Variants in FRMD5 observed in about 807,000 individuals in gnomAD.
FRMD5 encodes FERM domain-containing protein 5.
A neutral mutation model predicts 69.0 loss-of-function variants in FRMD5; 20 were observed. The observed-to-expected ratio is 0.29, with a 90% confidence interval of 0.20 to 0.42. The LOEUF is 0.42. Ranked by LOEUF, FRMD5 falls within the 10% of genes least tolerant of loss-of-function variation. FRMD5 has a pLI of 1.00. For synonymous variants in FRMD5, 271 were observed against 260.1 expected (o/e 1.04, Z -0.40); for missense variants, 595 against 708.6 (o/e 0.84, Z 1.82).
At chr15:43,965,028 A>T (rs1328428859) in intron 1 of FRMD5, among the ~76,000 whole-genome samples, 1 of 152,238 alleles carries the variant, frequency 6.6e-6, no homozygotes, top group Non-Finnish European at 1.5e-5. Context: ...TCTCCAAAAA[A>T]GTATACTGAG....
At chr15:44,165,732 G>A (rs2140512747) in intron 1 of FRMD5, among the ~76,000 whole-genome samples, 1 of 152,140 alleles carries the variant, frequency 6.6e-6, no homozygotes, top group African/African-American at 2.4e-5. Flanking sequence ...GTTCTTGGGA[G>A]GCCGAGGTGA....
At chr15:44,140,570 CA>C (rs1244615248) in intron 1 of FRMD5, among the ~76,000 whole-genome samples, 1 of 151,966 alleles carries the variant, frequency 6.6e-6, no homozygotes, top group Non-Finnish European at 1.5e-5. Flanking sequence ...TGCATGCTAT[CA>C]TTGCTCTCAT....
At chr15:43,885,504 T>C (rs1040318672) in intron 11 of FRMD5, among the ~76,000 whole-genome samples, 177 bp downstream of exon 11, 2 of 151,950 alleles carry the variant, frequency 1.3e-5, no homozygotes, top group East Asian at 1.9e-4. Flanking sequence ...TACAGACAAA[T>C]TGCTGTAGGG....
intron 1 of FRMD5, among the ~76,000 whole-genome samples, chr15:44,056,875 C>T (rs1342705957): frequency 6.6e-6 from 1 of 152,108 alleles, no homozygotes; most frequent in East Asian, 1.9e-4. Context: ...AGGGACATTG[C>T]AGGAGGGAGG....
At chr15:44,067,536 T>C (rs1047421562) in intron 1 of FRMD5, among the ~76,000 whole-genome samples, 1 of 152,160 alleles carries the variant, frequency 6.6e-6, no homozygotes, top group Admixed American at 6.6e-5. Context: ...CCAGCAGATT[T>C]GGTGTCTGGT....
chr15:43,988,242 C>T (rs1234109032), intron 1 of FRMD5, among the ~76,000 whole-genome samples: 2 of 152,094 alleles, frequency 1.3e-5, no homozygotes, highest in African/African-American at 4.8e-5. Context: ...ATCAAACTAG[C>T]CACAACATTC....
chr15:43,989,667 G>A (rs900577778), intron 1 of FRMD5: 9 of 934,610 alleles, frequency 9.6e-6, no homozygotes, highest in Non-Finnish European at 1.6e-5. Context: ...AGGATGGCAT[G>A]GGGGAGGGCA....
chr15:44,136,541 A>G (rs1165807976), intron 1 of FRMD5, among the ~76,000 whole-genome samples: 1 of 152,212 alleles, frequency 6.6e-6, no homozygotes, highest in Non-Finnish European at 1.5e-5. Context: ...ATTTGTAGCT[A>G]GTTGATATTT....
chr15:44,089,844 G>C (rs2076446469), intron 1 of FRMD5, among the ~76,000 whole-genome samples: 1 of 152,160 alleles, frequency 6.6e-6, no homozygotes, highest in African/African-American at 2.4e-5. Context: ...AGCCAGGTAA[G>C]TCAAGACATC....
rs2088631888 is a variant in FRMD5, at chr15:43,885,107, C to A, written c.960-312G>T. The stretch of plus-strand genomic sequence containing the variant: ...AAAACACATAAGAACAACCTTTAGA[C>A]AGTGAGACATGAATCACTGTTATAG... On this transcript the variant is annotated intron_variant, in intron 11 of 13. Transcript: ENST00000417257. 1.3e-5 allele frequency: 4 copies of A among 310,124 alleles called. No individual in the cohort carries two copies. In the Admixed American group the frequency reaches 1.3e-4, roughly 10 times the overall value. 19.2% of individuals were successfully genotyped at this position (310,124 alleles called of 1,614,324 possible).
chr15:44,104,478 C>G (rs2076685714), intron 1 of FRMD5, among the ~76,000 whole-genome samples: 1 of 152,184 alleles, frequency 6.6e-6, no homozygotes, highest in Admixed American at 6.5e-5. Context: ...ACTGATTCAT[C>G]CAGAGCAACT....
chr15:44,089,346 T>C (rs1275237109), intron 1 of FRMD5, among the ~76,000 whole-genome samples: 1 of 152,296 alleles, frequency 6.6e-6, no homozygotes. Flanking sequence ...AATGTGGAAC[T>C]GACCACTCCT....
In FRMD5 at chr15:44,006,023, C is replaced by A. The variant is rs148970200; in HGVS notation, c.103-81714G>T. ...TCAATGTAGATTAAACAGCCTTCCA[C>A]TGGAAGAAGATGCCATCTAGGACTT... is the stretch of plus-strand genomic sequence containing the variant. On this transcript the variant is annotated intron_variant, in intron 1 of 13. Coordinates refer to ENST00000417257, the MANE Select transcript of FRMD5 (RefSeq NM_032892.5). Among the ~76,000 whole-genome samples the A allele has an allele frequency of 5.6e-4, 85 of 152,312 alleles. 1 individual carries two copies. In the East Asian group the frequency reaches 0.015, roughly 27 times the overall value.
rs548796223 is a variant in FRMD5 at position 44,001,892 on chromosome 15, TG to T, written c.103-77584del. ...GGCTAATTAGCACCCGGATAATTTT[TG>T]TAATTTTAGTAGACACGGGGTTTCA... On this transcript the variant is annotated intron_variant, in intron 1 of 13. Coordinates refer to ENST00000417257, the MANE Select transcript of FRMD5 (RefSeq NM_032892.5). Among the ~76,000 whole-genome samples, 42 of 152,156 alleles carry T rather than the reference TG, an allele frequency of 2.8e-4. 1 individual carries two copies. The East Asian group carries it at 7.9e-3, about 29-fold the overall frequency.
chr15:44,170,383 C>T (rs1162893633), intron 1 of FRMD5, among the ~76,000 whole-genome samples: 2 of 152,034 alleles, frequency 1.3e-5, no homozygotes, highest in Non-Finnish European at 2.9e-5. Context: ...GTTAGCTGAG[C>T]GTGGTGGCAT....
chr15:43,900,674 A>G (rs1267855567), intron 7 of FRMD5, among the ~76,000 whole-genome samples: 4 of 150,820 alleles, frequency 2.7e-5, no homozygotes, highest in Non-Finnish European at 4.4e-5. Flanking sequence ...CTGGAGTGCA[A>G]TGGCATGATC....
At chr15:44,139,825 T>C (rs2077241930) in intron 1 of FRMD5, among the ~76,000 whole-genome samples, 2 of 148,416 alleles carry the variant, frequency 1.3e-5, no homozygotes, top group Non-Finnish European at 3.0e-5. Flanking sequence ...ATTAATAATA[T>C]AAGCTCTCAA....
intron 1 of FRMD5, among the ~76,000 whole-genome samples, chr15:44,088,504 T>C (rs1323535535): frequency 6.6e-6 from 1 of 152,232 alleles, no homozygotes. Flanking sequence ...GCCCTGATTC[T>C]TGTTCCACAT....
intron 1 of FRMD5, among the ~76,000 whole-genome samples, chr15:44,187,204 G>A (rs1257427588): frequency 6.6e-6 from 1 of 152,210 alleles, no homozygotes; most frequent in Non-Finnish European, 1.5e-5. Context: ...AGTTACTGCA[G>A]CCACAGAATG....
Sources: gnomAD v4.1 joint callset for allele counts (sites outside exome capture counted in the v4.1 genomes callset) on GRCh38, gnomAD v4.1.1 for gene constraint, MANE v1.5 for transcripts, NCBI Gene and HGNC (gene_info 2026-07-23, HGNC 2026-07-21) for gene names.